ZNF804A: variants seen among roughly 807,000 people sequenced by gnomAD.
ZNF804A encodes the protein zinc finger protein 804A.
In ZNF804A, 2 loss-of-function variants were observed where a neutral mutation model predicts 16.5. The observed-to-expected ratio is 0.12, with a 90% CI of 0.05 to 0.38. The LOEUF (loss-of-function observed/expected upper bound fraction) is 0.38, where lower values mean the gene tolerates loss of function less well. Ranked by LOEUF, ZNF804A falls within the 10% of genes least tolerant of loss-of-function variation. The pLI is 0.99. For synonymous variants in ZNF804A, 534 were observed against 489.6 expected (o/e 1.09, Z -1.20); for missense variants, 1,473 against 1,390.7 (o/e 1.06, Z -0.94).
chr2:184,869,136 GA>G (rs933855105), intron 2 of ZNF804A, among the ~76,000 whole-genome samples: 1 of 151,144 alleles, frequency 6.6e-6, no homozygotes, highest in African/African-American at 2.4e-5. Context: ...CCCAAAATCT[GA>G]AAAAAAAATT....
At chr2:184,677,056 AC>A (rs35023282) in intron 1 of ZNF804A, among the ~76,000 whole-genome samples, 14,598 of 151,822 alleles carry the variant, frequency 0.096, 769 homozygotes, top group Middle Eastern at 0.17. Context: ...AAGCAGTAGA[AC>A]AAAAAAGAAA....
intron 1 of ZNF804A, among the ~76,000 whole-genome samples, chr2:184,821,385 C>A (rs1452428818): frequency 6.6e-6 from 1 of 152,084 alleles, no homozygotes; most frequent in Admixed American, 6.6e-5. Context: ...AACTAGACCC[C>A]TTTCTTACAC....
At chr2:184,903,578 G>A (rs890361812) in intron 2 of ZNF804A, among the ~76,000 whole-genome samples, 9 of 152,024 alleles carry the variant, frequency 5.9e-5, no homozygotes, top group African/African-American at 2.2e-4. Context: ...AGTTGTTAAG[G>A]GGCACATGAC....
intron 1 of ZNF804A, among the ~76,000 whole-genome samples, chr2:184,829,899 C>CAAAAAAAAAAAAAAAAAAAAAAAAAAAA (rs1244566222): frequency 2.6e-5 from 1 of 38,904 alleles, no homozygotes; most frequent in African/African-American, 9.4e-5. Context: ...CTGTCTCTAC[C>CAAAAAAAAAAAAAAAAAAAAAAAAAAAA]AAAAAAAAAA....
chr2:184,702,562 A>G (rs1171177766), intron 1 of ZNF804A, among the ~76,000 whole-genome samples: 1 of 152,098 alleles, frequency 6.6e-6, no homozygotes, highest in Non-Finnish European at 1.5e-5. Context: ...TCATCCTGAT[A>G]AAGAGTTCAC....
chr2:184,603,947 A>C (rs1691090841), intron 1 of ZNF804A, among the ~76,000 whole-genome samples: 1 of 152,070 alleles, frequency 6.6e-6, no homozygotes, highest in South Asian at 2.1e-4. Flanking sequence ...AAAATAACTG[A>C]TATTTGAATT....
At chr2:184,832,568 G>C (rs937858682) in intron 1 of ZNF804A, among the ~76,000 whole-genome samples, 3 of 151,850 alleles carry the variant, frequency 2.0e-5, no homozygotes, top group Non-Finnish European at 4.4e-5. Flanking sequence ...GATATCAAGA[G>C]ATGAGTTAAT....
In ZNF804A at chr2:184,935,819, T is replaced by C. The variant is rs748476811; in HGVS notation, c.423T>C (p.Thr141=). Residue 141 remains threonine, a synonymous_variant, in exon 4 of 4, where the codon ACT becomes ACC. Transcript: ENST00000302277. ...GTGGCCCCATGTTCAAATCAACAAC[T>C]GTTACTGTGAGAGAAAACTGTAATG... ...PGSGPMFKST[T]VTVRENCNEI... 1.2e-6 allele frequency: 2 copies of C among 1,612,440 alleles called. No individual in the cohort carries two copies. The highest frequency in any genetic ancestry group is 8.5e-7 in the Non-Finnish European group (1 of 1,179,186).
intron 1 of ZNF804A, among the ~76,000 whole-genome samples, chr2:184,647,169 C>T (rs535077591): frequency 6.6e-6 from 1 of 152,128 alleles, no homozygotes; most frequent in African/African-American, 2.4e-5. Flanking sequence ...TAGTTGCACC[C>T]CTAGGAAGGA....
rs1335257917 is a variant in ZNF804A, at chr2:184,937,243, C to G, written c.1847C>G (p.Thr616Ser). ...HHMEKTKESE[T>S]RCKMEAENSY... ...ATGGAGAAAACCAAAGAATCAGAAA[C>G]TCGCTGCAAAATGGAAGCAGAGAAT... The change falls in exon 4 of 4, where the codon ACT becomes AGT. Residue 616 changes from threonine (T) to serine (S), a missense_variant. Physicochemically the swap from Thr to Ser is moderately conservative, Grantham distance 58. Coordinates refer to ENST00000302277, the MANE Select transcript of ZNF804A (RefSeq NM_194250.2). 6.2e-7 allele frequency: 1 copy of G among 1,610,944 alleles called. No individual in the cohort carries two copies. Among genetic ancestry groups the G allele is most frequent in the Non-Finnish European group, 8.5e-7 (1 of 1,179,226 alleles).
intron 1 of ZNF804A, among the ~76,000 whole-genome samples, chr2:184,730,089 G>A (rs1349166657): frequency 1.3e-5 from 2 of 151,666 alleles, no homozygotes; most frequent in Non-Finnish European, 2.9e-5. Flanking sequence ...AGATTATTTT[G>A]GTAAAATCAA....
intron 1 of ZNF804A, among the ~76,000 whole-genome samples, chr2:184,664,451 T>G (rs1199670591): frequency 6.6e-6 from 1 of 152,204 alleles, no homozygotes; most frequent in African/African-American, 2.4e-5. Flanking sequence ...TAACCTTAAA[T>G]ATGAAGAACA....
intron 2 of ZNF804A, among the ~76,000 whole-genome samples, chr2:184,900,264 C>T (rs1180179801): frequency 6.6e-6 from 1 of 152,126 alleles, no homozygotes; most frequent in Non-Finnish European, 1.5e-5. Context: ...TCTTTGAAAA[C>T]AAAATGTTTC....
chr2:184,902,056 A>G (rs1685191191), intron 2 of ZNF804A: 2 of 152,144 alleles, frequency 1.3e-5, no homozygotes, highest in South Asian at 4.1e-4. Context: ...CAGGTGTTGG[A>G]AAATATTTTT....
chr2:184,599,535 A>G (rs1049649884), intron 1 of ZNF804A, among the ~76,000 whole-genome samples: 5 of 152,304 alleles, frequency 3.3e-5, no homozygotes, highest in African/African-American at 1.2e-4. Context: ...AAGAGTTTGT[A>G]TTCCAGCTCT....
chr2:184,634,456 G>A (rs561316566), intron 1 of ZNF804A, among the ~76,000 whole-genome samples: 1 of 152,214 alleles, frequency 6.6e-6, no homozygotes, highest in South Asian at 2.1e-4. Context: ...ACCTGAGTGG[G>A]CCCAATGTAA....
At chr2:184,886,568 G>T (rs573250973) in intron 2 of ZNF804A, among the ~76,000 whole-genome samples, 5 of 152,354 alleles carry the variant, frequency 3.3e-5, no homozygotes, top group African/African-American at 1.2e-4. Flanking sequence ...CCCTGCCCCT[G>T]TGGCAAACTT....
chr2:184,882,256 A>T (rs1162861233), intron 2 of ZNF804A, among the ~76,000 whole-genome samples: 1 of 152,102 alleles, frequency 6.6e-6, no homozygotes, highest in Non-Finnish European at 1.5e-5. Context: ...AGATCTAACT[A>T]TGCTAAATAT....
At chr2:184,791,519 T>G (rs888508405) in intron 1 of ZNF804A, among the ~76,000 whole-genome samples, 5 of 152,140 alleles carry the variant, frequency 3.3e-5, no homozygotes, top group Admixed American at 6.6e-5. Context: ...TTTTTATTTT[T>G]TTTATTTTTA....
Sources: allele counts gnomAD v4.1 joint callset (sites outside exome capture counted in the v4.1 genomes callset), GRCh38; gene constraint gnomAD v4.1.1; transcripts MANE v1.5; gene names NCBI Gene and HGNC (gene_info 2026-07-23, HGNC 2026-07-21).